Variants in KCNT2 observed in about 807,000 individuals in gnomAD.
The protein encoded by KCNT2 is potassium sodium-activated channel subfamily T member 2, also known as potassium channel subfamily T member 2.
A neutral mutation model predicts 153.8 loss-of-function variants in KCNT2; 67 were observed. The observed-to-expected ratio is 0.44, with a 90% CI of 0.36 to 0.53. The LOEUF is 0.53. Ranked by LOEUF, KCNT2 falls within the 20% of genes least tolerant of loss-of-function variation. KCNT2 has a pLI of 0.00. For missense variants in KCNT2, 975 were observed against 1,354.8 expected, an observed-to-expected ratio of 0.72 and a Z score of 4.40; for synonymous variants, 500 against 458.8, an observed-to-expected ratio of 1.09 and a Z score of -1.15.
Position 196,420,389 on chromosome 1 carries a change from GC to G in KCNT2, c.1185+2660del, listed in dbSNP as rs756220385. 5.1e-4 allele frequency among the ~76,000 whole-genome samples: 77 copies of G among 151,636 alleles called. 1 individual carries two copies. Among genetic ancestry groups the G allele is most frequent in the Non-Finnish European group, 1.8e-4 (12 of 67,918 alleles). On this transcript the variant is annotated intron_variant, in intron 12 of 27. Transcript: ENST00000294725. ...GTGTATGGTTTTTGTTTGTTTGTTT[GC>G]TTATTCCTTCTTGTTCTTGTTAGAA... is the stretch of plus-strand genomic sequence containing the variant.
rs574255351 is a variant in KCNT2 at position 196,539,202 on chromosome 1, A to G, written c.96-46861T>C. On this transcript the variant is annotated intron_variant, in intron 1 of 27. Coordinates refer to ENST00000294725, the MANE Select transcript of KCNT2 (RefSeq NM_198503.5). ...AGTACTATTTTACTTAAATTTACAT[A>G]AGAATATAAGAAAATATTTTTCTTT... Among the ~76,000 whole-genome samples the G allele has an allele frequency of 6.6e-5, 10 of 152,338 alleles. No homozygotes were observed. The South Asian group carries it at 2.1e-3, about 32-fold the overall frequency.
chr1:196,431,401 G>C (rs1674135750), intron 8 of KCNT2, among the ~76,000 whole-genome samples: 1 of 152,068 alleles, frequency 6.6e-6, no homozygotes, highest in Non-Finnish European at 1.5e-5. Context: ...GGCAATTTTG[G>C]TGAAGGCTCA....
At chr1:196,377,472 A>G (rs1669072422) in intron 13 of KCNT2, among the ~76,000 whole-genome samples, 1 of 152,004 alleles carries the variant, frequency 6.6e-6, no homozygotes, top group Non-Finnish European at 1.5e-5. Context: ...AATAACAGTA[A>G]CTGCTATTTT....
intron 22 of KCNT2, among the ~76,000 whole-genome samples, chr1:196,300,820 T>C (rs768211397): frequency 6.6e-6 from 1 of 152,164 alleles, no homozygotes; most frequent in Non-Finnish European, 1.5e-5. Flanking sequence ...AACCTTGCAA[T>C]GGGTGAGAAA....
chr1:196,338,754 G>C (rs1665281608), intron 16 of KCNT2, among the ~76,000 whole-genome samples: 1 of 151,770 alleles, frequency 6.6e-6, no homozygotes, highest in South Asian at 2.1e-4. Context: ...TGCAGTTCAG[G>C]GAGAGAAGGA....
At chr1:196,509,365 G>C (rs1008444559) in intron 1 of KCNT2, among the ~76,000 whole-genome samples, 21 of 151,112 alleles carry the variant, frequency 1.4e-4, no homozygotes, top group Non-Finnish European at 2.5e-4. Context: ...GGGATAACTT[G>C]TGGCATATTA....
At chr1:196,384,882 C>T (rs754194025) in intron 13 of KCNT2, among the ~76,000 whole-genome samples, 3 of 152,028 alleles carry the variant, frequency 2.0e-5, no homozygotes, top group Non-Finnish European at 4.4e-5. Flanking sequence ...CGCATAACAA[C>T]CTAATCTTCA....
intron 22 of KCNT2, among the ~76,000 whole-genome samples, chr1:196,293,094 A>T (rs1474401887): frequency 6.6e-6 from 1 of 152,120 alleles, no homozygotes; most frequent in Non-Finnish European, 1.5e-5. Flanking sequence ...ACTGTAAATT[A>T]TGAAACACCA....
chr1:196,318,274 A>G (rs1228504271), intron 20 of KCNT2, among the ~76,000 whole-genome samples: 1 of 151,806 alleles, frequency 6.6e-6, no homozygotes, highest in Non-Finnish European at 1.5e-5. Context: ...TAATTCATTC[A>G]AAGAGGTATT....
At chr1:196,407,804 A>G (rs1671953145) in intron 12 of KCNT2, among the ~76,000 whole-genome samples, 2 of 151,408 alleles carry the variant, frequency 1.3e-5, no homozygotes, top group Non-Finnish European at 3.0e-5. Flanking sequence ...TATGTCTTTG[A>G]CATTTAAGAG....
At chr1:196,438,819 TATC>T (rs1453481660) in intron 8 of KCNT2, among the ~76,000 whole-genome samples, 1 of 151,900 alleles carries the variant, frequency 6.6e-6, no homozygotes, top group Non-Finnish European at 1.5e-5. Context: ...ATGTAACTAA[TATC>T]ATGATATGTT....
chr1:196,603,129 T>C (rs1442988048), intron 1 of KCNT2, among the ~76,000 whole-genome samples: 1 of 152,156 alleles, frequency 6.6e-6, no homozygotes, highest in Non-Finnish European at 1.5e-5. Flanking sequence ...GTTTCTAATT[T>C]TCTATTGCCT....
intron 25 of KCNT2, chr1:196,273,631 G>GA: frequency 1.7e-6 from 1 of 575,446 alleles, no homozygotes; most frequent in South Asian, 2.2e-5. Context: ...CATATTTCTC[G>GA]TATGGCTTTT....
chr1:196,274,741 C>G (rs1004409871), intron 25 of KCNT2, among the ~76,000 whole-genome samples: 3 of 151,782 alleles, frequency 2.0e-5, no homozygotes, highest in Admixed American at 6.6e-5. Flanking sequence ...ACTGCATACA[C>G]TATAAATTAT....
chr1:196,268,702 T>C (rs1227614935), intron 25 of KCNT2, among the ~76,000 whole-genome samples: 1 of 152,028 alleles, frequency 6.6e-6, no homozygotes, highest in Non-Finnish European at 1.5e-5. Context: ...TTATGCTCCT[T>C]ATGCATGAGA....
At chr1:196,562,582 C>T (rs1440763271) in intron 1 of KCNT2, among the ~76,000 whole-genome samples, 1 of 151,698 alleles carries the variant, frequency 6.6e-6, no homozygotes, top group African/African-American at 2.4e-5. Context: ...GAGTCATGTG[C>T]TAGGTTTGAG....
intron 1 of KCNT2, among the ~76,000 whole-genome samples, chr1:196,548,156 G>T (rs1572790929): frequency 6.6e-6 from 1 of 152,036 alleles, no homozygotes; most frequent in South Asian, 2.1e-4. Flanking sequence ...TCTTTGTATT[G>T]TACTTCTGTG....
chr1:196,255,470 A>G (rs73063989), intron 26 of KCNT2, among the ~76,000 whole-genome samples: 16,366 of 151,704 alleles, frequency 0.11, 1,270 homozygotes, highest in African/African-American at 0.22. Context: ...CTCAAAGCAT[A>G]TGGGTCCTCA....
chr1:196,340,122 T>C (rs1265323878), intron 16 of KCNT2, among the ~76,000 whole-genome samples: 1 of 152,018 alleles, frequency 6.6e-6, no homozygotes, highest in Non-Finnish European at 1.5e-5. Context: ...ATAGGTAGTA[T>C]TATAGACATA....
Sources: allele counts gnomAD v4.1 joint callset (sites outside exome capture counted in the v4.1 genomes callset), GRCh38; gene constraint gnomAD v4.1.1; transcripts MANE v1.5; gene names NCBI Gene and HGNC (gene_info 2026-07-23, HGNC 2026-07-21).